The following GASK1A variants were observed in gnomAD, a reference collection of about 807,000 sequenced individuals.
GASK1A encodes Golgi-associated kinase 1A.
Under a neutral mutation model 41.2 loss-of-function variants are expected in GASK1A, and 40 were observed. The ratio of observed to expected loss-of-function variants is 0.97; its 90% confidence interval spans 0.75 to 1.27. The LOEUF is 1.27. Among genes scored for constraint, GASK1A ranks in the 50% most tolerant of loss-of-function variants. The pLI is 0.00. For missense variants in GASK1A, 678 were observed against 745.1 expected (o/e 0.91, Z 1.05); for synonymous variants, 316 against 307.1 (o/e 1.03, Z -0.30).
intron 1 of GASK1A, among the ~76,000 whole-genome samples, chr3:43,023,569 G>T (rs953529086): frequency 6.6e-6 from 1 of 152,172 alleles, no homozygotes; most frequent in African/African-American, 2.4e-5. Flanking sequence ...GGAGATGTTC[G>T]ATTTTGCCCT....
chr3:43,012,135 T>C (rs2089466480), intron 1 of GASK1A, among the ~76,000 whole-genome samples: 1 of 145,056 alleles, frequency 6.9e-6, no homozygotes, highest in South Asian at 2.2e-4. Context: ...CAGTGGGAAG[T>C]CACAAAAAGG....
intron 1 of GASK1A, among the ~76,000 whole-genome samples, chr3:43,015,620 T>G (rs191832202): frequency 6.7e-6 from 1 of 149,358 alleles, no homozygotes; most frequent in Non-Finnish European, 1.5e-5. Flanking sequence ...GAAGCGGGTG[T>G]GTGAAGTCAC....
At chr3:43,050,890 G>A (rs993805714) in intron 2 of GASK1A, among the ~76,000 whole-genome samples, 1 of 152,054 alleles carries the variant, frequency 6.6e-6, no homozygotes, top group Non-Finnish European at 1.5e-5. Context: ...CATTATTCAT[G>A]TAGTCTTTAT....
Position 42,979,324 on chromosome 3 carries a change from T to C in GASK1A, c.-319T>C, listed in dbSNP as rs1271562579. On this transcript the variant is annotated 5_prime_UTR_variant, in exon 1 of 5. Coordinates refer to ENST00000430121, the MANE Select transcript of GASK1A (RefSeq NM_001129908.3). ...CGCGCGGCAGGGACTTTGCAAACTC[T>C]GCAAAAGTCCCGAGTAGACCGCAGA... 2.1e-5 allele frequency: 7 copies of C among 336,910 alleles called. No homozygotes were observed. Among genetic ancestry groups the C allele is most frequent in the Non-Finnish European group, 3.2e-5 (6 of 187,196 alleles). 20.9% of individuals were successfully genotyped at this position (336,910 alleles called of 1,614,324 possible).
At chr3:42,997,118 G>A (rs1043870084) in intron 1 of GASK1A, among the ~76,000 whole-genome samples, 1 of 152,250 alleles carries the variant, frequency 6.6e-6, no homozygotes, top group Non-Finnish European at 1.5e-5. Flanking sequence ...AACCCCACCA[G>A]CCAGTGTTCC....
At position 42,979,456 on chromosome 3, in the gene GASK1A, T is replaced by G; in HGVS notation, c.-187T>G. 2 of 496,578 alleles carry G rather than the reference T, an allele frequency of 4.0e-6. No individual in the cohort carries two copies. Among genetic ancestry groups the G allele is most frequent in the Non-Finnish European group, 6.3e-6 (2 of 317,216 alleles). 30.8% of individuals were successfully genotyped at this position (496,578 alleles called of 1,614,324 possible). ...CCGGTGTGCAGCGATCTCCCGAGAG[T>G]TGGCGCAGGGCCACTTGGCTGCAGA... On this transcript the variant is annotated 5_prime_UTR_variant, in exon 1 of 5. Transcript: ENST00000430121.
chr3:43,044,115 C>T (rs998549570), intron 2 of GASK1A, among the ~76,000 whole-genome samples: 8 of 152,154 alleles, frequency 5.3e-5, no homozygotes, highest in East Asian at 1.9e-4. Flanking sequence ...GGCCTTGAGA[C>T]GGGAGCAGGG....
At position 42,979,461 on chromosome 3, in the gene GASK1A, G is replaced by C; in HGVS notation, c.-182G>C. The C allele has an allele frequency of 1.9e-6, 1 of 525,156 alleles. No homozygotes were observed. 32.5% of individuals were successfully genotyped at this position (525,156 alleles called of 1,614,324 possible). A position where few individuals can be genotyped will look rare whatever the true frequency, so the allele number is the denominator to read the frequency against. On this transcript the variant is annotated 5_prime_UTR_variant, in exon 1 of 5. Coordinates refer to ENST00000430121, the MANE Select transcript of GASK1A (RefSeq NM_001129908.3). ...GTGCAGCGATCTCCCGAGAGTTGGCGCAGGGCCACTTGGCTGCAGAGAACG... is the reference window on the plus strand; with the variant it reads ...GTGCAGCGATCTCCCGAGAGTTGGCCCAGGGCCACTTGGCTGCAGAGAACG...
intron 2 of GASK1A, among the ~76,000 whole-genome samples, chr3:43,051,776 TG>T (rs1404669480): frequency 6.6e-6 from 1 of 152,144 alleles, no homozygotes; most frequent in African/African-American, 2.4e-5. Context: ...TGCCTTTTAG[TG>T]GAGTTTACCA....
At chr3:43,041,839 A>ACTATTCATTATTCTTGCTTTATTAAGAT (rs2089639664) in intron 2 of GASK1A, among the ~76,000 whole-genome samples, 1 of 152,212 alleles carries the variant, frequency 6.6e-6, no homozygotes, top group Non-Finnish European at 1.5e-5. Context: ...TTTGCGATGA[A>ACTATTCATTATTCTTGCTTTATTAAGAT]CTATTCATTA....
chr3:43,041,333 T>A (rs982585946), intron 2 of GASK1A, among the ~76,000 whole-genome samples: 1 of 152,032 alleles, frequency 6.6e-6, no homozygotes, highest in Non-Finnish European at 1.5e-5. Flanking sequence ...TAGTTTACAG[T>A]CCCACCAACA....
intron 1 of GASK1A, among the ~76,000 whole-genome samples, chr3:42,989,413 A>G (rs2089329405): frequency 6.6e-6 from 1 of 152,100 alleles, no homozygotes; most frequent in South Asian, 2.1e-4. Flanking sequence ...TGGTGAATGT[A>G]GAGTTGAGGT....
chr3:43,005,458 A>C (rs1030440900), intron 1 of GASK1A, among the ~76,000 whole-genome samples: 2 of 152,232 alleles, frequency 1.3e-5, no homozygotes, highest in African/African-American at 4.8e-5. Context: ...GACATGAGTC[A>C]TCCCTTTGTC....
At chr3:43,001,377 G>A (rs1310789349) in intron 1 of GASK1A, among the ~76,000 whole-genome samples, 1 of 152,138 alleles carries the variant, frequency 6.6e-6, no homozygotes, top group South Asian at 2.1e-4. Context: ...ACAGCACGTG[G>A]CCACATCTAG....
chr3:43,033,387 T>C lies in GASK1A; in HGVS notation c.1124T>C (p.Val375Ala), dbSNP rs1216551669. Residue 375 changes from valine (V) to alanine (A), a missense_variant, in exon 2 of 5, where the codon GTG (valine) becomes GCG (alanine). Transcript: ENST00000430121. Reference protein sequence around the residue: ...ARPVIWWAPDVQHLSDPDEDQ... With the variant: ...ARPVIWWAPDAQHLSDPDEDQ... ...CCTGTCATCTGGTGGGCACCCGATGTGCAGCACCTGAGCGACCCAGATGAG... is the reference window on the plus strand; with the variant it reads ...CCTGTCATCTGGTGGGCACCCGATGCGCAGCACCTGAGCGACCCAGATGAG... 1 of 1,551,448 alleles carries C rather than the reference T, an allele frequency of 6.4e-7. No homozygotes were observed. Among genetic ancestry groups the C allele is most frequent in the African/African-American group, 1.4e-5 (1 of 73,036 alleles).
intron 2 of GASK1A, 77 bp downstream of exon 2, chr3:43,033,630 C>A: frequency 7.5e-7 from 1 of 1,337,626 alleles, no homozygotes; most frequent in South Asian, 1.6e-5. Flanking sequence ...AATTGCCCAC[C>A]TGAGGTTAGA....
At chr3:43,007,585 T>A (rs765739328) in intron 1 of GASK1A, among the ~76,000 whole-genome samples, 2 of 152,218 alleles carry the variant, frequency 1.3e-5, no homozygotes, top group Non-Finnish European at 2.9e-5. Flanking sequence ...TGCCTTCTAG[T>A]TTAGGATTCA....
chr3:43,056,629 G>T lies in GASK1A; in HGVS notation c.*243G>T. On this transcript the variant is annotated 3_prime_UTR_variant, in exon 5 of 5. Coordinates refer to ENST00000430121, the MANE Select transcript of GASK1A (RefSeq NM_001129908.3). ...CAACAAATACATTCGAAAATGTTCT[G>T]TGAGCTGCTCAAGAAACTGTAAAAA... is the stretch of plus-strand genomic sequence containing the variant. The T allele has an allele frequency of 2.3e-6, 1 of 428,742 alleles. No individual in the cohort carries two copies. The highest frequency in any genetic ancestry group is 4.2e-6 in the Non-Finnish European group (1 of 235,754). 26.6% of individuals were successfully genotyped at this position (428,742 alleles called of 1,614,324 possible). A position where few individuals can be genotyped will look rare whatever the true frequency, so the allele number is the denominator to read the frequency against.
chr3:43,024,714 G>T (rs1036708625), intron 1 of GASK1A, among the ~76,000 whole-genome samples: 3 of 152,286 alleles, frequency 2.0e-5, no homozygotes, highest in African/African-American at 4.8e-5. Context: ...TTATCTGACA[G>T]CTCATTTTGC....
Sources: gnomAD v4.1 joint callset for allele counts (sites outside exome capture counted in the v4.1 genomes callset) on GRCh38, gnomAD v4.1.1 for gene constraint, MANE v1.5 for transcripts, NCBI Gene and HGNC (gene_info 2026-07-23, HGNC 2026-07-21) for gene names.